Variants in TAFA5 observed in about 807,000 individuals in gnomAD.
TAFA5 encodes TAFA chemokine like family member 5, also known as chemokine-like protein TAFA-5.
Under a neutral mutation model 15.3 loss-of-function variants are expected in TAFA5, and 6 were observed. The observed-to-expected ratio is 0.39, with a 90% confidence interval of 0.21 to 0.77. The LOEUF (loss-of-function observed/expected upper bound fraction) is 0.77, where lower values mean the gene tolerates loss of function less well. Ranked by LOEUF, TAFA5 falls within the 30% of genes least tolerant of loss-of-function variation. The pLI is 0.41. For missense variants in TAFA5, 161 were observed against 193.1 expected, an observed-to-expected ratio of 0.83 and a Z score of 0.98; for synonymous variants, 103 against 80.7, an observed-to-expected ratio of 1.28 and a Z score of -1.48.
In TAFA5 at chr22:48,553,174, C is replaced by T. The variant is rs570317580; in HGVS notation, c.112+63470C>T. Among the ~76,000 whole-genome samples the T allele has an allele frequency of 5.9e-5, 9 of 152,290 alleles. No individual in the cohort carries two copies. In the East Asian group the frequency reaches 9.7e-4, roughly 16 times the overall value. Reference sequence around the variant, plus strand: ...CAGCTTCCCTCAGATGCCCAAATGCCGCCTCGTCAGGGGAGCCCTCCTGGA... The same window carrying T: ...CAGCTTCCCTCAGATGCCCAAATGCTGCCTCGTCAGGGGAGCCCTCCTGGA... On this transcript the variant is annotated intron_variant, in intron 1 of 3. Transcript: ENST00000402357.
At chr22:48,670,404 G>A (rs934844188) in intron 2 of TAFA5, among the ~76,000 whole-genome samples, 5 of 152,242 alleles carry the variant, frequency 3.3e-5, no homozygotes, top group African/African-American at 1.2e-4. Flanking sequence ...TTAAGCACAC[G>A]CTGGAAGGCC....
At chr22:48,682,259 G>A (rs1345848707) in intron 2 of TAFA5, among the ~76,000 whole-genome samples, 1 of 152,154 alleles carries the variant, frequency 6.6e-6, no homozygotes, top group Non-Finnish European at 1.5e-5. Flanking sequence ...TAGAACCCAG[G>A]GCTTCTCCAG....
At chr22:48,585,786 A>G (rs1407336022) in intron 1 of TAFA5, among the ~76,000 whole-genome samples, 3 of 152,052 alleles carry the variant, frequency 2.0e-5, no homozygotes, top group African/African-American at 7.3e-5. Context: ...CACACCACAC[A>G]TACCCTGTGA....
At chr22:48,616,439 C>T (rs897687686) in intron 1 of TAFA5, among the ~76,000 whole-genome samples, 5 of 152,192 alleles carry the variant, frequency 3.3e-5, no homozygotes, top group African/African-American at 1.2e-4. Flanking sequence ...TAATGCATCA[C>T]CTAATGCATG....
intron 1 of TAFA5, among the ~76,000 whole-genome samples, chr22:48,605,829 C>G (rs1219955601): frequency 6.6e-6 from 1 of 152,178 alleles, no homozygotes; most frequent in East Asian, 1.9e-4. Flanking sequence ...TGCCAAGTCC[C>G]CACCCACAGT....
chr22:48,513,829 G>A (rs2147103042), intron 1 of TAFA5, among the ~76,000 whole-genome samples: 1 of 152,330 alleles, frequency 6.6e-6, no homozygotes, highest in Middle Eastern at 3.4e-3. Context: ...TGGTCCCCAG[G>A]GCTGAAGTTG....
intron 3 of TAFA5, among the ~76,000 whole-genome samples, chr22:48,716,836 C>T (rs2337491): frequency 0.063 from 9,514 of 152,074 alleles, 353 homozygotes; most frequent in Admixed American, 0.095. Context: ...GTATTACAAA[C>T]CCAGTAGAAT....
At chr22:48,558,278 T>G (rs1371304222) in intron 1 of TAFA5, among the ~76,000 whole-genome samples, 1 of 152,252 alleles carries the variant, frequency 6.6e-6, no homozygotes, top group African/African-American at 2.4e-5. Flanking sequence ...CGTCTGCTTT[T>G]CCTCGGCACA....
chr22:48,556,206 A>G (rs1195120938), intron 1 of TAFA5, among the ~76,000 whole-genome samples: 6 of 152,032 alleles, frequency 3.9e-5, no homozygotes, highest in East Asian at 3.9e-4. Flanking sequence ...CTCCCAGGGG[A>G]CTGTGAGAAG....
At chr22:48,652,542 C>T (rs1009611925) in intron 2 of TAFA5, among the ~76,000 whole-genome samples, 1 of 152,238 alleles carries the variant, frequency 6.6e-6, no homozygotes, top group Non-Finnish European at 1.5e-5. Context: ...CCACCCTTGG[C>T]AGCCTGGCAC....
chr22:48,542,333 G>GT (rs1922434772), intron 1 of TAFA5, among the ~76,000 whole-genome samples: 1 of 132,600 alleles, frequency 7.5e-6, no homozygotes, highest in Non-Finnish European at 1.6e-5. Flanking sequence ...TGATGTGTGT[G>GT]GTGTGTGTGT....
At chr22:48,656,688 C>T (rs1036209820) in intron 2 of TAFA5, among the ~76,000 whole-genome samples, 8 of 144,446 alleles carry the variant, frequency 5.5e-5, no homozygotes, top group East Asian at 4.4e-4. Context: ...ATGAAAATTA[C>T]CAAAAGTTCT....
chr22:48,538,782 T>G (rs1235614640), intron 1 of TAFA5: 2 of 152,284 alleles, frequency 1.3e-5, no homozygotes, highest in African/African-American at 2.4e-5. Context: ...AACATCCCAC[T>G]GGCCAAGTAA....
chr22:48,654,523 C>T (rs944935533), intron 2 of TAFA5, among the ~76,000 whole-genome samples: 3 of 152,244 alleles, frequency 2.0e-5, no homozygotes, highest in Non-Finnish European at 2.9e-5. Context: ...GGACAGAGAG[C>T]TGCAGGGTCC....
intron 1 of TAFA5, among the ~76,000 whole-genome samples, chr22:48,627,386 G>A (rs866651178): frequency 2.0e-5 from 3 of 152,228 alleles, no homozygotes; most frequent in Admixed American, 1.3e-4. Flanking sequence ...CCCCACAGGC[G>A]CCGAGGATGG....
At chr22:48,508,201 C>A (rs1249050098) in intron 1 of TAFA5, among the ~76,000 whole-genome samples, 4 of 152,318 alleles carry the variant, frequency 2.6e-5, no homozygotes, top group Admixed American at 2.6e-4. Context: ...CTCGAGGCTG[C>A]ACCTCACAGA....
chr22:48,570,050 A>T (rs188270376), intron 1 of TAFA5, among the ~76,000 whole-genome samples: 58 of 152,276 alleles, frequency 3.8e-4, no homozygotes, highest in Non-Finnish European at 6.9e-4. Context: ...TTTCTGGCTC[A>T]GCCTCACTCC....
intron 3 of TAFA5, among the ~76,000 whole-genome samples, chr22:48,710,978 G>A (rs1929233827): frequency 6.6e-6 from 1 of 152,140 alleles, no homozygotes; most frequent in African/African-American, 2.4e-5. Flanking sequence ...GGCCAGACCT[G>A]GCTTGGTGTG....
chr22:48,546,381 G>T, intron 1 of TAFA5: 1 of 411,212 alleles, frequency 2.4e-6, no homozygotes, highest in South Asian at 1.9e-5. Context: ...GCAAACACAT[G>T]CTGTGCTGAG....
Sources: allele counts gnomAD v4.1 joint callset (sites outside exome capture counted in the v4.1 genomes callset), GRCh38; gene constraint gnomAD v4.1.1; transcripts MANE v1.5; gene names NCBI Gene and HGNC (gene_info 2026-07-23, HGNC 2026-07-21).